The following DSCAM variants were observed in gnomAD, a reference collection of about 807,000 sequenced individuals.
DSCAM encodes the protein DS cell adhesion molecule, also known as cell adhesion molecule DSCAM.
Under a neutral mutation model 217.7 loss-of-function variants are expected in DSCAM, and 47 were observed. The ratio of observed to expected loss-of-function variants is 0.22; its 90% confidence interval spans 0.17 to 0.28. The LOEUF (loss-of-function observed/expected upper bound fraction) is 0.28. DSCAM is among the 10% of genes least tolerant of loss of function. The pLI, the probability that DSCAM is intolerant of heterozygous loss-of-function variation, is 1.00. For missense variants in DSCAM, 2,080 were observed against 2,618.3 expected (o/e 0.79, Z 4.49); for synonymous variants, 1,056 against 1,015.3 (o/e 1.04, Z -0.76).
At chr21:40,177,349 G>A (rs1294400233) in intron 15 of DSCAM, among the ~76,000 whole-genome samples, 2 of 152,156 alleles carry the variant, frequency 1.3e-5, no homozygotes, top group South Asian at 2.1e-4. Context: ...TTTTGCAGAT[G>A]AGAAATCATA....
intron 16 of DSCAM, among the ~76,000 whole-genome samples, chr21:40,152,757 C>T (rs1043139159): frequency 6.6e-6 from 1 of 152,262 alleles, no homozygotes; most frequent in East Asian, 1.9e-4. Context: ...TTTAAAGGGA[C>T]AGTAAAACAG....
At chr21:40,388,002 G>T (rs914032428) in intron 3 of DSCAM, among the ~76,000 whole-genome samples, 4 of 152,010 alleles carry the variant, frequency 2.6e-5, no homozygotes, top group South Asian at 2.1e-4. Flanking sequence ...ATGGAAGAAA[G>T]AAAGATACAT....
At chr21:40,833,280 T>A (rs1254025351) in intron 1 of DSCAM, among the ~76,000 whole-genome samples, 2 of 152,150 alleles carry the variant, frequency 1.3e-5, no homozygotes, top group Non-Finnish European at 2.9e-5. Flanking sequence ...CAGAGGTCTC[T>A]CCAGTCCAGC....
chr21:40,605,118 G>A (rs2146267652), intron 3 of DSCAM, among the ~76,000 whole-genome samples: 1 of 152,268 alleles, frequency 6.6e-6, no homozygotes, highest in East Asian at 1.9e-4. Context: ...CTTCCTGGAG[G>A]AAAAACTCAA....
At chr21:40,620,197 AAGAAAGAG>A (rs1232429562) in intron 3 of DSCAM, among the ~76,000 whole-genome samples, 13 of 140,412 alleles carry the variant, frequency 9.3e-5, no homozygotes, top group African/African-American at 2.5e-4. Context: ...AAGAAAAAGA[AAGAAAGAG>A]AGAAAGAGAG....
chr21:40,521,449 A>G lies in DSCAM; in HGVS notation c.509-152204T>C, dbSNP rs142694783. ...TTATTATGTCTTTTGGATAATAGCCATTCTAACTGAAGTGAGGTGATACCT... is the reference window on the plus strand; with the variant it reads ...TTATTATGTCTTTTGGATAATAGCCGTTCTAACTGAAGTGAGGTGATACCT... On this transcript the variant is annotated intron_variant, in intron 3 of 32. Transcript: ENST00000400454. 9.5e-3 allele frequency among the ~76,000 whole-genome samples: 1,447 copies of G among 152,304 alleles called. 31 individuals are homozygous for G. Among genetic ancestry groups the G allele is most frequent in the African/African-American group, 0.032 (1,335 of 41,568 alleles).
In DSCAM at chr21:40,189,057, C is replaced by A; in HGVS notation, c.2538G>T (p.Val846=). Residue 846 remains valine, a synonymous_variant, in exon 12 of 33, where the codon GTG becomes GTT. Coordinates refer to ENST00000400454, the MANE Select transcript of DSCAM (RefSeq NM_001389.5). ...ATGCTTTTACCTGCAGAGTAGAAATCACCTCTTCTCCCACCTCCTTGGTGG... is the reference window on the plus strand; with the variant it reads ...ATGCTTTTACCTGCAGAGTAGAAATAACCTCTTCTCCCACCTCCTTGGTGG... ...LVSTKEVGEE[V]ISTLQILPTV... is the part of the protein sequence containing the mutation. 3.1e-6 allele frequency: 5 copies of A among 1,614,130 alleles called. No homozygotes were observed. Among genetic ancestry groups the A allele is most frequent in the Non-Finnish European group, 3.4e-6 (4 of 1,180,008 alleles).
intron 10 of DSCAM, among the ~76,000 whole-genome samples, chr21:40,288,908 G>C (rs2073858865): frequency 6.6e-6 from 1 of 152,144 alleles, no homozygotes; most frequent in African/African-American, 2.4e-5. Flanking sequence ...CAACCAGACA[G>C]GGTTGTATTA....
chr21:40,401,717 T>C (rs1389235604), intron 3 of DSCAM, among the ~76,000 whole-genome samples: 2 of 151,550 alleles, frequency 1.3e-5, no homozygotes, highest in Admixed American at 6.6e-5. Flanking sequence ...ATAAGGAGAG[T>C]AGACAGGGAT....
chr21:40,510,278 G>A (rs2094876), intron 3 of DSCAM, among the ~76,000 whole-genome samples: 80,165 of 151,808 alleles, frequency 0.53, 21,379 homozygotes, highest in Non-Finnish European at 0.56. Flanking sequence ...GAAATTGAAG[G>A]GAAAATTTAT....
Position 40,189,142 on chromosome 21 carries a change from A to G in DSCAM, c.2453T>C (p.Ile818Thr). 1 of 1,614,150 alleles carries G rather than the reference A, an allele frequency of 6.2e-7. No homozygotes were observed. The highest frequency in any genetic ancestry group is 8.5e-7 in the Non-Finnish European group (1 of 1,180,026). The part of the protein sequence containing the change: ...SCTAHGEKPI[I>T]VRWEKEDRII... ...TCGGTCCTCCTTCTCCCAGCGGACT[A>G]TAATGGGCTTCTCACCATGCGCCGT... Residue 818 changes from isoleucine (I) to threonine (T), a missense_variant, in exon 12 of 33, where the codon ATA (isoleucine) becomes ACA (threonine). By Grantham distance (89) the Ile-to-Thr change is moderately conservative (BLOSUM62 -1). Around this residue, in one of 5 missense-constraint regions of DSCAM, gnomAD observed 1,144 missense variants for 1,421.1 expected, o/e 0.81. Transcript: ENST00000400454.
chr21:40,114,889 G>A (rs980005870), intron 20 of DSCAM, among the ~76,000 whole-genome samples: 1 of 152,118 alleles, frequency 6.6e-6, no homozygotes, highest in African/African-American at 2.4e-5. Context: ...AGTTAGAATG[G>A]CTATCATTAA....
intron 1 of DSCAM, among the ~76,000 whole-genome samples, chr21:40,793,885 C>G (rs1444201926): frequency 6.6e-6 from 1 of 152,134 alleles, no homozygotes; most frequent in Middle Eastern, 3.2e-3. Flanking sequence ...ATAAGAAGCA[C>G]AAAAACCTAC....
intron 11 of DSCAM, among the ~76,000 whole-genome samples, chr21:40,262,670 T>C (rs1459975909): frequency 6.6e-6 from 1 of 152,180 alleles, no homozygotes; most frequent in Non-Finnish European, 1.5e-5. Context: ...TTCCATGTTG[T>C]ATGCTTTAGC....
chr21:40,675,842 C>A (rs1438808336), intron 3 of DSCAM, among the ~76,000 whole-genome samples: 1 of 151,368 alleles, frequency 6.6e-6, no homozygotes, highest in Non-Finnish European at 1.5e-5. Context: ...CTCAATTTAA[C>A]TAACCCTTCA....
intron 3 of DSCAM, among the ~76,000 whole-genome samples, chr21:40,426,498 T>C (rs966400991): frequency 1.3e-5 from 2 of 152,216 alleles, no homozygotes; most frequent in African/African-American, 4.8e-5. Context: ...AGGAAATTTG[T>C]CATCTCGTTA....
At chr21:40,080,432 A>T (rs1221581244) in intron 24 of DSCAM, 92 bp from the exon 25 acceptor site, 1 of 1,124,310 alleles carries the variant, frequency 8.9e-7, no homozygotes, top group Admixed American at 2.8e-5. Context: ...TAATAGAACG[A>T]GCATTCTCAG....
intron 3 of DSCAM, among the ~76,000 whole-genome samples, chr21:40,585,876 G>C (rs1331431113): frequency 2.0e-5 from 3 of 152,174 alleles, no homozygotes; most frequent in Non-Finnish European, 4.4e-5. Flanking sequence ...TTGTTTTTGA[G>C]ATGGAATTTC....
chr21:40,236,706 G>C (rs946555743), intron 11 of DSCAM, among the ~76,000 whole-genome samples: 8 of 152,108 alleles, frequency 5.3e-5, no homozygotes, highest in Non-Finnish European at 1.2e-4. Flanking sequence ...TGAAATCATT[G>C]TGGAGGAATA....
Sources: allele counts gnomAD v4.1 joint callset (sites outside exome capture counted in the v4.1 genomes callset), GRCh38; gene constraint gnomAD v4.1.1; regional missense constraint gnomAD v4.1.1; transcripts MANE v1.5; gene names NCBI Gene and HGNC (gene_info 2026-07-23, HGNC 2026-07-21).